The following GGACT variants were observed in gnomAD, a reference collection of about 807,000 sequenced individuals.
The protein encoded by GGACT is gamma-glutamylamine cyclotransferase, also known as gamma-glutamylaminecyclotransferase.
For missense variants in GGACT, 241 were observed against 233.2 expected (o/e 1.03, Z -0.22); for synonymous variants, 118 against 115.3 (o/e 1.02, Z -0.15).
chr13:100,546,361 CAA>C (rs778470021), intron 2 of GGACT, among the ~76,000 whole-genome samples: 37 of 54,604 alleles, frequency 6.8e-4, no homozygotes, highest in Admixed American at 2.3e-3. Context: ...GACTCTGTCT[CAA>C]AAAAAAAAAA....
chr13:100,556,040 G>A (rs73566689), intron 2 of GGACT, among the ~76,000 whole-genome samples: 2,857 of 152,296 alleles, frequency 0.019, 84 homozygotes, highest in African/African-American at 0.066. Flanking sequence ...CCTTCTCTTT[G>A]TAGTGAATAA....
intron 2 of GGACT, among the ~76,000 whole-genome samples, chr13:100,546,886 C>T (rs1027441475): frequency 1.2e-4 from 18 of 152,152 alleles, no homozygotes; most frequent in African/African-American, 4.3e-4. Context: ...TCCTCGAGGG[C>T]GAGGTCTCGC....
intron 2 of GGACT, among the ~76,000 whole-genome samples, chr13:100,577,166 AG>A (rs373407421): frequency 6.6e-6 from 1 of 152,324 alleles, no homozygotes; most frequent in Non-Finnish European, 1.5e-5. Flanking sequence ...CTGTAATCCC[AG>A]CACTTTGGGA....
chr13:100,563,897 G>C (rs945150618), intron 2 of GGACT, among the ~76,000 whole-genome samples: 2 of 152,354 alleles, frequency 1.3e-5, no homozygotes, highest in Non-Finnish European at 2.9e-5. Context: ...CAGGCAAGGA[G>C]CGTGAGCCCA....
At chr13:100,533,061 C>T (rs752921641) in intron 2 of GGACT, among the ~76,000 whole-genome samples, 2 of 152,214 alleles carry the variant, frequency 1.3e-5, no homozygotes, top group Non-Finnish European at 2.9e-5. Context: ...AGCCCTGCCT[C>T]GCCTGCACAG....
chr13:100,532,684 G>T, intron 2 of GGACT, 83 bp from the exon 3 acceptor site: 1 of 1,119,692 alleles, frequency 8.9e-7, no homozygotes, highest in Non-Finnish European at 1.3e-6. Flanking sequence ...GGCCCACAGA[G>T]CCTCCACTGG....
At chr13:100,570,477 T>TGGG (rs201616526) in intron 2 of GGACT, among the ~76,000 whole-genome samples, 1 of 151,978 alleles carries the variant, frequency 6.6e-6, no homozygotes, top group African/African-American at 2.4e-5. Context: ...AAGAACAGGA[T>TGGG]GGGGGGGAAC....
intron 2 of GGACT, among the ~76,000 whole-genome samples, chr13:100,548,992 A>T (rs1277834922): frequency 6.6e-6 from 1 of 152,252 alleles, no homozygotes; most frequent in Non-Finnish European, 1.5e-5. Flanking sequence ...GCAAGATGTC[A>T]AATTTAAAAT....
intron 2 of GGACT, among the ~76,000 whole-genome samples, chr13:100,571,277 G>C (rs1312291657): frequency 6.6e-6 from 1 of 152,200 alleles, no homozygotes; most frequent in Non-Finnish European, 1.5e-5. Context: ...ATACATTTCA[G>C]ATGAACTCAT....
chr13:100,563,526 G>A (rs9518088), intron 2 of GGACT, among the ~76,000 whole-genome samples: 62,453 of 152,032 alleles, frequency 0.41, 13,306 homozygotes, highest in Non-Finnish European at 0.47. Context: ...ATCTTTTAAA[G>A]TGGTCCAAGC....
At chr13:100,544,096 TC>T (rs1250612914) in intron 2 of GGACT, among the ~76,000 whole-genome samples, 2 of 152,218 alleles carry the variant, frequency 1.3e-5, no homozygotes, top group African/African-American at 4.8e-5. Flanking sequence ...TGTGCACGTT[TC>T]CCCTAGAGAG....
intron 2 of GGACT, among the ~76,000 whole-genome samples, chr13:100,572,905 T>C (rs778156238): frequency 6.6e-6 from 1 of 152,208 alleles, no homozygotes; most frequent in African/African-American, 2.4e-5. Context: ...ATCTGGGGTT[T>C]CTTAGGATAC....
At chr13:100,543,332 T>C (rs909201144) in intron 2 of GGACT, among the ~76,000 whole-genome samples, 2 of 148,686 alleles carry the variant, frequency 1.3e-5, no homozygotes, top group African/African-American at 4.9e-5. Context: ...CTCAGCCTCC[T>C]GAGTAGCTGG....
chr13:100,575,227 G>A (rs1008322055), intron 2 of GGACT, among the ~76,000 whole-genome samples: 3 of 152,204 alleles, frequency 2.0e-5, no homozygotes, highest in Non-Finnish European at 2.9e-5. Flanking sequence ...GTTAACGGGT[G>A]AGGTTTGAAT....
chr13:100,532,294 C>T lies in GGACT; in HGVS notation c.298G>A (p.Asp100Asn), dbSNP rs781488724. 1 of 1,541,118 alleles carries T rather than the reference C, an allele frequency of 6.5e-7. No homozygotes were observed. Among genetic ancestry groups the T allele is most frequent in the Non-Finnish European group, 8.8e-7 (1 of 1,139,380 alleles). ...RTVLRVQLLE[D>N]RAPGAEEPPA... Reference sequence around the variant, plus strand: ...GGCTCCTCTGCGCCCGGGGCCCGGTCCTCCAGCAGCTGTACCCGCAGCACC... The same window carrying T: ...GGCTCCTCTGCGCCCGGGGCCCGGTTCTCCAGCAGCTGTACCCGCAGCACC... The change falls in exon 3 of 3, where the codon GAC becomes AAC. Residue 100 changes from aspartate (D) to asparagine (N), a missense_variant. Asp to Asn is a conservative substitution (Grantham distance 23). Transcript: ENST00000683975.
intron 2 of GGACT, among the ~76,000 whole-genome samples, chr13:100,579,385 T>A (rs1255816008): frequency 4.6e-5 from 7 of 152,074 alleles, no homozygotes; most frequent in Non-Finnish European, 4.4e-5. Context: ...GCGTGTGTCT[T>A]GCCCCTCTCA....
intron 2 of GGACT, among the ~76,000 whole-genome samples, chr13:100,576,337 T>C (rs1178807061): frequency 6.6e-6 from 1 of 152,224 alleles, no homozygotes; most frequent in Non-Finnish European, 1.5e-5. Flanking sequence ...ACTCTCACCA[T>C]TGCGGGTGGG....
rs2088530999 is a variant in GGACT, at chr13:100,539,643, AGAATATTAGT to A, written c.-10-7052_-10-7043del. On this transcript the variant is annotated intron_variant, in intron 2 of 2. Coordinates refer to ENST00000683975, the MANE Select transcript of GGACT (RefSeq NM_001195087.2). ...AGGATTTTGGCATCGATCTTCATCA[AGAATATTAGT>A]CTGTAGTTTTCTTTCTTGGAGTGTC... 1.9e-5 allele frequency: 9 copies of A among 485,710 alleles called. No homozygotes were observed. In the East Asian group the frequency reaches 3.0e-4, roughly 16 times the overall value. The allele number at this position is 485,710 out of a possible 1,614,324, so 30.1% of individuals were successfully genotyped here. A position where few individuals can be genotyped will look rare whatever the true frequency, so the allele number is the denominator to read the frequency against.
At chr13:100,543,197 CTTTTTTTTTTTTTT>C (rs147710327) in intron 2 of GGACT, among the ~76,000 whole-genome samples, 1 of 69,892 alleles carries the variant, frequency 1.4e-5, no homozygotes, top group Non-Finnish European at 2.5e-5. Flanking sequence ...AAGACACCAG[CTTTTTTTTTTTTTT>C]TTTTTTTTTT....
Sources: allele counts gnomAD v4.1 joint callset (sites outside exome capture counted in the v4.1 genomes callset), GRCh38; gene constraint gnomAD v4.1.1; transcripts MANE v1.5; gene names NCBI Gene and HGNC (gene_info 2026-07-23, HGNC 2026-07-21).